The following TAFA1 variants were observed in gnomAD, a reference collection of about 807,000 sequenced individuals.
TAFA1 encodes chemokine-like protein TAFA-1.
Under a neutral mutation model 18.5 loss-of-function variants are expected in TAFA1, and 4 were observed. The ratio of observed to expected loss-of-function variants is 0.22; its 90% CI spans 0.11 to 0.49. The LOEUF (loss-of-function observed/expected upper bound fraction) is 0.49. Ranked by LOEUF, TAFA1 falls within the 20% of genes least tolerant of loss-of-function variation. The pLI, the probability that TAFA1 is intolerant of heterozygous loss-of-function variation, is 0.98. For synonymous variants in TAFA1, 56 were observed against 55.2 expected (o/e 1.01, Z -0.06); for missense variants, 147 against 169.0 (o/e 0.87, Z 0.72).
At chr3:68,244,678 C>A (rs1287700976) in intron 2 of TAFA1, among the ~76,000 whole-genome samples, 1 of 152,080 alleles carries the variant, frequency 6.6e-6, no homozygotes, top group Non-Finnish European at 1.5e-5. Context: ...CCCTAGCCAG[C>A]ATGATTTATT....
intron 2 of TAFA1, among the ~76,000 whole-genome samples, chr3:68,388,243 G>C (rs559206660): frequency 1.3e-5 from 2 of 152,214 alleles, no homozygotes; most frequent in Admixed American, 1.3e-4. Context: ...AGTATCACTA[G>C]ATGTGAACTA....
At chr3:68,236,540 C>G (rs1424047632) in intron 2 of TAFA1, among the ~76,000 whole-genome samples, 1 of 152,116 alleles carries the variant, frequency 6.6e-6, no homozygotes, top group African/African-American at 2.4e-5. Flanking sequence ...TGAACTGAAC[C>G]TATTCAGGAG....
At position 68,545,187 on chromosome 3, in the gene TAFA1, T is replaced by C. The variant is rs1466505550; in HGVS notation, c.*684T>C. 1 of 152,582 alleles carries C rather than the reference T, an allele frequency of 6.6e-6. No homozygotes were observed. Among genetic ancestry groups the C allele is most frequent in the Non-Finnish European group, 1.5e-5 (1 of 67,996 alleles). The allele number at this position is 152,582 out of a possible 1,614,324, so 9.5% of individuals were successfully genotyped here. A position where few individuals can be genotyped will look rare whatever the true frequency, so the allele number is the denominator to read the frequency against. On this transcript the variant is annotated 3_prime_UTR_variant, in exon 5 of 5. Transcript: ENST00000478136. Reference sequence around the variant, plus strand: ...TACATAGTCATACTTTATATTCAATTGATATATAATAACCGTTCTAACCTC... The same window carrying C: ...TACATAGTCATACTTTATATTCAATCGATATATAATAACCGTTCTAACCTC...
chr3:68,125,103 G>A (rs1025292530), intron 2 of TAFA1, among the ~76,000 whole-genome samples: 4 of 152,216 alleles, frequency 2.6e-5, no homozygotes, highest in African/African-American at 9.6e-5. Flanking sequence ...GCCTAGAGAA[G>A]TAGAAGGTAG....
chr3:68,279,991 C>T (rs2067870438), intron 2 of TAFA1, among the ~76,000 whole-genome samples: 1 of 152,114 alleles, frequency 6.6e-6, no homozygotes, highest in Non-Finnish European at 1.5e-5. Context: ...AAATTCTCAT[C>T]CTATACAAAA....
chr3:68,207,300 G>A (rs2066540014), intron 2 of TAFA1, among the ~76,000 whole-genome samples: 2 of 151,970 alleles, frequency 1.3e-5, no homozygotes, highest in South Asian at 4.1e-4. Flanking sequence ...TGCTTTTTAA[G>A]TGTTTTCCAG....
At chr3:68,476,174 C>G (rs1414533853) in intron 3 of TAFA1, among the ~76,000 whole-genome samples, 1 of 152,146 alleles carries the variant, frequency 6.6e-6, no homozygotes, top group Admixed American at 6.5e-5. Context: ...CAAATAGGAT[C>G]TAATTAAACT....
chr3:68,385,296 A>G (rs2070069364), intron 2 of TAFA1, among the ~76,000 whole-genome samples: 1 of 152,120 alleles, frequency 6.6e-6, no homozygotes, highest in Non-Finnish European at 1.5e-5. Context: ...AACTTTTCCA[A>G]TGACTGTGTA....
chr3:68,134,947 A>G (rs552369199), intron 2 of TAFA1, among the ~76,000 whole-genome samples: 2 of 152,242 alleles, frequency 1.3e-5, no homozygotes, highest in Admixed American at 6.5e-5. Flanking sequence ...TTTACGTAAC[A>G]TGATGCTTGA....
At chr3:68,038,704 C>G (rs977511204) in intron 2 of TAFA1, among the ~76,000 whole-genome samples, 2 of 151,884 alleles carry the variant, frequency 1.3e-5, no homozygotes, top group African/African-American at 4.8e-5. Flanking sequence ...ATGCAGGGGT[C>G]AATACTCGTC....
chr3:68,294,020 A>G (rs1302446733), intron 2 of TAFA1, among the ~76,000 whole-genome samples: 2 of 152,234 alleles, frequency 1.3e-5, no homozygotes, highest in African/African-American at 4.8e-5. Flanking sequence ...TCAGAGGAAC[A>G]TTACTAAAAC....
intron 2 of TAFA1, among the ~76,000 whole-genome samples, chr3:68,351,640 GA>G (rs1046256945): frequency 2.0e-5 from 3 of 151,972 alleles, no homozygotes; most frequent in Non-Finnish European, 2.9e-5. Flanking sequence ...GAGTTGACAA[GA>G]CAAAGGAAAA....
intron 3 of TAFA1, among the ~76,000 whole-genome samples, chr3:68,422,965 T>G (rs941280936): frequency 2.6e-5 from 4 of 151,904 alleles, no homozygotes; most frequent in Non-Finnish European, 4.4e-5. Flanking sequence ...GGACTAAAAG[T>G]TAAAATCAAA....
At chr3:68,133,868 T>C (rs1400244526) in intron 2 of TAFA1, among the ~76,000 whole-genome samples, 3 of 151,884 alleles carry the variant, frequency 2.0e-5, no homozygotes, top group Non-Finnish European at 4.4e-5. Context: ...GGGGACATAA[T>C]ATCCATATGA....
chr3:68,333,258 A>G (rs1355408446), intron 2 of TAFA1, among the ~76,000 whole-genome samples: 3 of 152,252 alleles, frequency 2.0e-5, no homozygotes, highest in Non-Finnish European at 4.4e-5. Flanking sequence ...CTAAATGACC[A>G]TCAGTAAACT....
At chr3:68,444,813 A>ATATAT (rs1559673109) in intron 3 of TAFA1, among the ~76,000 whole-genome samples, 5 of 134,194 alleles carry the variant, frequency 3.7e-5, no homozygotes, top group Non-Finnish European at 8.3e-5. Context: ...TATATATATA[A>ATATAT]AATAAATTAA....
chr3:68,218,813 TA>T (rs2066693907), intron 2 of TAFA1, among the ~76,000 whole-genome samples: 2 of 152,162 alleles, frequency 1.3e-5, no homozygotes, highest in Non-Finnish European at 2.9e-5. Flanking sequence ...TTAAGCTGAA[TA>T]AATGGCCACT....
At chr3:68,359,617 C>T (rs1468206190) in intron 2 of TAFA1, among the ~76,000 whole-genome samples, 1 of 151,900 alleles carries the variant, frequency 6.6e-6, no homozygotes, top group Non-Finnish European at 1.5e-5. Flanking sequence ...ACTAGAGCTT[C>T]CAGGAAAGAT....
chr3:68,401,627 G>A (rs972772532), intron 2 of TAFA1, among the ~76,000 whole-genome samples: 9 of 152,308 alleles, frequency 5.9e-5, no homozygotes, highest in Admixed American at 5.9e-4. Context: ...AACACTTAGA[G>A]GAAAACAATC....
Sources: allele counts gnomAD v4.1 joint callset (sites outside exome capture counted in the v4.1 genomes callset), GRCh38; gene constraint gnomAD v4.1.1; transcripts MANE v1.5; gene names NCBI Gene and HGNC (gene_info 2026-07-23, HGNC 2026-07-21).